Variants in ANKRD55 observed in about 807,000 individuals in gnomAD.
ANKRD55 encodes the protein ankyrin repeat domain 55, also known as ankyrin repeat domain-containing protein 55.
In ANKRD55, 41 loss-of-function variants were observed where a neutral mutation model predicts 60.6. The observed-to-expected ratio is 0.68, with a 90% CI of 0.53 to 0.88. ANKRD55 has a LOEUF of 0.88. ANKRD55 is among the 40% of genes least tolerant of loss of function. The pLI is 0.00. For synonymous variants in ANKRD55, 264 were observed against 290.3 expected (o/e 0.91, Z 0.92); for missense variants, 732 against 767.6 (o/e 0.95, Z 0.55).
At chr5:56,154,384 C>T (rs10077826) in intron 6 of ANKRD55, among the ~76,000 whole-genome samples, 39,134 of 151,846 alleles carry the variant, frequency 0.26, 5,190 homozygotes, top group Middle Eastern at 0.3. Context: ...CAGCCAAATA[C>T]AGGAACTCCA....
chr5:56,120,845 G>A (rs1478584992), intron 8 of ANKRD55, among the ~76,000 whole-genome samples: 1 of 147,134 alleles, frequency 6.8e-6, no homozygotes, highest in African/African-American at 2.5e-5. Flanking sequence ...GTTGCAGTGA[G>A]CCAAGATCGC....
chr5:56,208,047 A>G (rs2111868381), intron 2 of ANKRD55, among the ~76,000 whole-genome samples: 1 of 152,262 alleles, frequency 6.6e-6, no homozygotes, highest in African/African-American at 2.4e-5. Context: ...TATTTTTAAA[A>G]TGATTTATTT....
At chr5:56,228,964 C>T (rs1206448591) in intron 2 of ANKRD55, among the ~76,000 whole-genome samples, 1 of 152,178 alleles carries the variant, frequency 6.6e-6, no homozygotes, top group Non-Finnish European at 1.5e-5. Context: ...AAACACACCG[C>T]TCAGCCTCGT....
intron 5 of ANKRD55, among the ~76,000 whole-genome samples, chr5:56,166,086 T>TTTC (rs1554040776): frequency 0.013 from 1,158 of 91,870 alleles, 125 homozygotes; most frequent in East Asian, 0.03. Flanking sequence ...TTTCTTTTCT[T>TTTC]TTTCTTTCTT....
intron 5 of ANKRD55, 118 bp from the exon 6 acceptor site, chr5:56,160,011 G>A (rs1443336678): frequency 1.1e-5 from 9 of 796,922 alleles, no homozygotes; most frequent in African/African-American, 1.7e-5. Flanking sequence ...AAATGAAGAT[G>A]AGGGCCCTTT....
intron 6 of ANKRD55, among the ~76,000 whole-genome samples, chr5:56,157,536 G>C (rs1204697186): frequency 6.6e-6 from 1 of 151,488 alleles, no homozygotes; most frequent in Non-Finnish European, 1.5e-5. Context: ...GTAAAACCCA[G>C]TTGTATATTC....
intron 2 of ANKRD55, among the ~76,000 whole-genome samples, chr5:56,219,162 A>G (rs1318351542): frequency 6.7e-6 from 1 of 149,334 alleles, no homozygotes; most frequent in Admixed American, 6.8e-5. Context: ...AATCCCAGCT[A>G]TGTGGGAGGC....
rs35793814 is a variant in ANKRD55, at chr5:56,121,374, CTT to C, written c.798-4594_798-4593del. 1.7e-3 allele frequency among the ~76,000 whole-genome samples: 223 copies of C among 130,588 alleles called. No homozygotes were observed. In the Middle Eastern group the frequency reaches 0.029, roughly 17 times the overall value. The allele number at this position is 130,588 out of a possible 152,430, so 85.7% of individuals were successfully genotyped here. A position where few individuals can be genotyped will look rare whatever the true frequency, so the allele number is the denominator to read the frequency against. ...ACTTGATATAGTAAGTGTTCCACCACTTTTTTTTTTTTTTTTTGAGATGGAGT... is the reference window on the plus strand; with the variant it reads ...ACTTGATATAGTAAGTGTTCCACCACTTTTTTTTTTTTTTTGAGATGGAGT... On this transcript the variant is annotated intron_variant, in intron 8 of 11. Coordinates refer to ENST00000341048, the MANE Select transcript of ANKRD55 (RefSeq NM_024669.3).
At chr5:56,196,913 C>G (rs1293320253) in intron 2 of ANKRD55, among the ~76,000 whole-genome samples, 1 of 152,118 alleles carries the variant, frequency 6.6e-6, no homozygotes, top group Non-Finnish European at 1.5e-5. Flanking sequence ...ACCTGGGAAC[C>G]TGTTGGAAAT....
intron 2 of ANKRD55, 97 bp downstream of exon 2, chr5:56,232,759 C>G: frequency 7.9e-7 from 1 of 1,259,938 alleles, no homozygotes; most frequent in Non-Finnish European, 1.2e-6. Flanking sequence ...CACACACACA[C>G]ACACACACAC....
chr5:56,111,664 G>A lies in ANKRD55; in HGVS notation c.1084C>T (p.Gln362Ter). The A allele has an allele frequency of 6.5e-7, 1 of 1,530,314 alleles. No individual in the cohort carries two copies. The allele number at this position is 1,530,314 out of a possible 1,614,324, so 94.8% of individuals were successfully genotyped here. Residue 362 changes from glutamine (Q) to a stop codon, truncating the protein, a stop_gained, in exon 10 of 12, where the codon CAG (glutamine) becomes TAG (stop). Transcript: ENST00000341048. LOFTEE classifies it high-confidence loss of function. Reference sequence around the variant, plus strand: ...TATCGGTCCCTGCTGGGATCCTTCTGATGGGCTCTCTGCTCTTCTTTCTTG... The same window carrying A: ...TATCGGTCCCTGCTGGGATCCTTCTAATGGGCTCTCTGCTCTTCTTTCTTG... ...KNKKEEQRAH[Q>*]KDPSRDRYRE...
intron 2 of ANKRD55, among the ~76,000 whole-genome samples, chr5:56,206,578 G>A (rs1341932320): frequency 2.0e-5 from 3 of 152,146 alleles, no homozygotes; most frequent in African/African-American, 7.2e-5. Context: ...AGTGGTAGGT[G>A]AGCTCAGAAG....
intron 2 of ANKRD55, among the ~76,000 whole-genome samples, chr5:56,187,369 C>T (rs1052402675): frequency 1.3e-5 from 2 of 152,210 alleles, no homozygotes; most frequent in African/African-American, 4.8e-5. Flanking sequence ...TCTGAGAGCA[C>T]AGCGGGAGGG....
intron 2 of ANKRD55, among the ~76,000 whole-genome samples, chr5:56,200,022 C>T (rs549486721): frequency 8.5e-4 from 130 of 152,118 alleles, no homozygotes; most frequent in African/African-American, 3.0e-3. Flanking sequence ...TGTAAAAGTC[C>T]GTAAAAGCCT....
chr5:56,104,090 A>T (rs982473525), intron 10 of ANKRD55, among the ~76,000 whole-genome samples: 1 of 152,220 alleles, frequency 6.6e-6, no homozygotes, highest in Non-Finnish European at 1.5e-5. Flanking sequence ...ATATTAGCGA[A>T]CAACTATTTA....
chr5:56,107,562 C>T (rs956772553), intron 10 of ANKRD55, among the ~76,000 whole-genome samples: 5 of 152,126 alleles, frequency 3.3e-5, no homozygotes, highest in Admixed American at 1.3e-4. Flanking sequence ...GGGATAGCAA[C>T]GTGGCCAGCT....
intron 6 of ANKRD55, among the ~76,000 whole-genome samples, chr5:56,157,179 G>A (rs1758213655): frequency 6.6e-6 from 1 of 152,132 alleles, no homozygotes; most frequent in African/African-American, 2.4e-5. Flanking sequence ...AAGGTTTAAT[G>A]GATTTAGGGC....
intron 7 of ANKRD55, among the ~76,000 whole-genome samples, chr5:56,140,434 A>G (rs2111752853): frequency 6.6e-6 from 1 of 152,282 alleles, no homozygotes; most frequent in East Asian, 1.9e-4. Context: ...GGAGGTCAAG[A>G]AAGTTGTGGA....
At chr5:56,151,260 C>T (rs1434723916) in intron 6 of ANKRD55, among the ~76,000 whole-genome samples, 1 of 152,172 alleles carries the variant, frequency 6.6e-6, no homozygotes, top group East Asian at 1.9e-4. Flanking sequence ...CTAAAGTCTA[C>T]AGGACATTTT....
Sources: allele counts gnomAD v4.1 joint callset (sites outside exome capture counted in the v4.1 genomes callset), GRCh38; gene constraint gnomAD v4.1.1; transcripts MANE v1.5; gene names NCBI Gene and HGNC (gene_info 2026-07-23, HGNC 2026-07-21).